USP42: variants seen among roughly 807,000 people sequenced by gnomAD.
USP42 encodes ubiquitin specific peptidase 42, also known as ubiquitin carboxyl-terminal hydrolase 42.
Under a neutral mutation model 113.0 loss-of-function variants are expected in USP42, and 23 were observed. The observed-to-expected ratio is 0.20, with a 90% CI of 0.15 to 0.29. The LOEUF (loss-of-function observed/expected upper bound fraction) is 0.29. Ranked by LOEUF, USP42 falls within the 10% of genes least tolerant of loss-of-function variation. The pLI is 1.00. For missense variants in USP42, 2,174 were observed against 1,779.8 expected, an observed-to-expected ratio of 1.22 and a Z score of -3.99; for synonymous variants, 933 against 699.0, an observed-to-expected ratio of 1.33 and a Z score of -5.28.
At chr7:6,123,087 A>G (rs374262234) in intron 3 of USP42, among the ~76,000 whole-genome samples, 7 of 152,114 alleles carry the variant, frequency 4.6e-5, no homozygotes, top group Admixed American at 3.9e-4. Context: ...CGGCCTCCCA[A>G]AGTGCTGGGA....
the USP42 span, among the ~76,000 whole-genome samples, chr7:6,090,608 A>G: frequency 1.4e-4 from 20 of 144,542 alleles, no homozygotes; most frequent in Middle Eastern, 3.9e-3. Flanking sequence ...CCAGCTACTC[A>G]GGAGACTGAG....
the USP42 span, chr7:6,084,559 A>C: frequency 6.6e-6 from 1 of 150,752 alleles, no homozygotes; most frequent in Non-Finnish European, 1.5e-5. Context: ...GCCACTAGGC[A>C]CTCCACATCG....
intron 3 of USP42, among the ~76,000 whole-genome samples, chr7:6,119,543 T>A (rs548334302): frequency 6.6e-6 from 1 of 152,234 alleles, no homozygotes; most frequent in Non-Finnish European, 1.5e-5. Context: ...AATTTTAGAA[T>A]CACTTTGTGA....
upstream of USP42, among the ~76,000 whole-genome samples, chr7:6,104,666 G>A (rs1562792796): frequency 6.6e-6 from 1 of 152,144 alleles, no homozygotes. Context: ...TTTCGCCGGC[G>A]CGCAGACGCG....
the USP42 span, among the ~76,000 whole-genome samples, chr7:6,091,229 T>C: frequency 6.6e-6 from 1 of 150,904 alleles, no homozygotes; most frequent in Non-Finnish European, 1.5e-5. Context: ...CTCTTCTCTT[T>C]TCTTTTCTTT....
At chr7:6,151,547 C>T (rs1782051214) in intron 14 of USP42, among the ~76,000 whole-genome samples, 1 of 152,226 alleles carries the variant, frequency 6.6e-6, no homozygotes, top group Non-Finnish European at 1.5e-5. Flanking sequence ...AAGCAATTCT[C>T]CTGACTCAGC....
chr7:6,103,629 G>C (rs1465380391), upstream of USP42, among the ~76,000 whole-genome samples: 1 of 149,968 alleles, frequency 6.7e-6, no homozygotes, highest in Admixed American at 6.6e-5. Flanking sequence ...GGTCTTGGGC[G>C]GTGGCTCCGG....
the USP42 span, among the ~76,000 whole-genome samples, chr7:6,088,257 T>C: frequency 6.7e-6 from 1 of 148,502 alleles, no homozygotes; most frequent in Non-Finnish European, 1.5e-5. Context: ...CTCACATTAC[T>C]TTTTTTTTTC....
the USP42 span, among the ~76,000 whole-genome samples, chr7:6,092,131 T>G: frequency 2.2e-3 from 318 of 144,814 alleles, 2 homozygotes; most frequent in Non-Finnish European, 3.7e-3. Context: ...TTCCTTCTTC[T>G]TCTTCTTCTT....
chr7:6,102,358 C>T (rs371796866), upstream of USP42, among the ~76,000 whole-genome samples: 1 of 150,284 alleles, frequency 6.7e-6, no homozygotes, highest in Non-Finnish European at 1.5e-5. Context: ...GTGATCTGCC[C>T]GCCTCGGCTT....
At chr7:6,092,039 TTCTTCTTCTTC>T in the USP42 span, among the ~76,000 whole-genome samples, 3 of 101,882 alleles carry the variant, frequency 2.9e-5, 1 homozygote, top group African/African-American at 1.1e-4. Context: ...CTTCTTCTTC[TTCTTCTTCTTC>T]TTCTTTCTTC....
chr7:6,116,029 G>A (rs1779892574), intron 3 of USP42, among the ~76,000 whole-genome samples: 1 of 151,532 alleles, frequency 6.6e-6, no homozygotes, highest in Admixed American at 6.6e-5. Context: ...ACCTGAGTCT[G>A]GAAGGTTGAG....
chr7:6,096,603 G>C, the USP42 span, among the ~76,000 whole-genome samples: 42 of 151,534 alleles, frequency 2.8e-4, 2 homozygotes, highest in African/African-American at 1.0e-3. Context: ...TCCATCCAAG[G>C]TTTGGGGAAG....
At chr7:6,092,047 CTTCT>C in the USP42 span, among the ~76,000 whole-genome samples, 1 of 77,732 alleles carries the variant, frequency 1.3e-5, no homozygotes, top group Non-Finnish European at 2.8e-5. Context: ...TCTTCTTCTT[CTTCT>C]TCTTTCTTCT....
At chr7:6,123,949 C>T (rs1026672337) in intron 3 of USP42, among the ~76,000 whole-genome samples, 1 of 151,650 alleles carries the variant, frequency 6.6e-6, no homozygotes, top group Non-Finnish European at 1.5e-5. Context: ...GATCTTGGCT[C>T]ACTGGAAACT....
At chr7:6,145,491 T>G (rs1034933856) in intron 9 of USP42, 25 bp from the exon 10 acceptor site, 2 of 1,613,826 alleles carry the variant, frequency 1.2e-6, no homozygotes, top group Non-Finnish European at 1.7e-6. Flanking sequence ...TCGGAAATGT[T>G]TCTCCTGTTT....
At chr7:6,091,328 G>A in the USP42 span, among the ~76,000 whole-genome samples, 13 of 150,632 alleles carry the variant, frequency 8.6e-5, no homozygotes, top group East Asian at 9.7e-4. Flanking sequence ...GGTCTCAAGC[G>A]ATCCTCCCAC....
At chr7:6,125,191 A>C (rs1780462319) in intron 3 of USP42, among the ~76,000 whole-genome samples, 2 of 148,326 alleles carry the variant, frequency 1.3e-5, no homozygotes, top group East Asian at 2.0e-4. Context: ...AACAAAAAAA[A>C]AAAAAAAAAA....
chr7:6,146,068 A>C (rs902644726), intron 10 of USP42, 80 bp from the exon 11 acceptor site: 3 of 1,172,074 alleles, frequency 2.6e-6, no homozygotes, highest in African/African-American at 3.1e-5. Flanking sequence ...TCTCAAAAAA[A>C]AAGAAAGAAA....
Sources: allele counts gnomAD v4.1 joint callset (sites outside exome capture counted in the v4.1 genomes callset), GRCh38; gene constraint gnomAD v4.1.1; transcripts MANE v1.5; gene names NCBI Gene and HGNC (gene_info 2026-07-23, HGNC 2026-07-21).